CES5A: variants seen among roughly 807,000 people sequenced by gnomAD.
CES5A encodes the protein carboxylesterase 5.
A neutral mutation model predicts 62.9 loss-of-function variants in CES5A; 67 were observed. That is an observed-to-expected ratio of 1.07 (90% CI 0.88 to 1.31). The LOEUF (loss-of-function observed/expected upper bound fraction) is 1.31, where lower values mean the gene tolerates loss of function less well. Among genes scored for constraint, CES5A ranks in the 50% most tolerant of loss-of-function variants. The pLI is 0.00. For synonymous variants in CES5A, 296 were observed against 280.8 expected (o/e 1.05, Z -0.54); for missense variants, 748 against 708.5 (o/e 1.06, Z -0.63).
upstream of CES5A, among the ~76,000 whole-genome samples, chr16:55,877,111 G>A (rs564820056): frequency 4.6e-5 from 7 of 152,260 alleles, no homozygotes; most frequent in South Asian, 2.1e-4. Flanking sequence ...CCACAACAAC[G>A]CAAGGACTTC....
In CES5A at chr16:55,873,982, C is replaced by T. The variant is rs377158753; in HGVS notation, c.129G>A (p.Lys43=). The part of the protein sequence containing the change: ...RNTRLGWIQG[K]QVTVLGSPVP... ...CAGGGCTTCCCAGCACAGTGACTTG[C>T]TTGCCCTGAATCCATCCCAGCCTGG... The change falls in exon 2 of 13, where the codon AAG becomes AAA. Residue 43 remains lysine (K), a synonymous_variant. Transcript: ENST00000290567. 5.0e-6 allele frequency: 8 copies of T among 1,612,276 alleles called. No individual in the cohort carries two copies. Among genetic ancestry groups the T allele is most frequent in the East Asian group, 2.2e-5 (1 of 44,866 alleles).
chr16:55,879,594 T>C (rs1475221947), upstream of CES5A, among the ~76,000 whole-genome samples: 2 of 152,066 alleles, frequency 1.3e-5, no homozygotes, highest in Non-Finnish European at 2.9e-5. Context: ...CCTGGAGTGT[T>C]TTGCCTTGAA....
At chr16:55,921,241 A>G (rs1326516116) in intron 1 of CES5A, among the ~76,000 whole-genome samples, 4 of 152,148 alleles carry the variant, frequency 2.6e-5, no homozygotes, top group Non-Finnish European at 4.4e-5. Context: ...GAAAGAGATA[A>G]ATATCTAGGT....
At chr16:55,862,151 C>T (rs1310523863) in intron 6 of CES5A, among the ~76,000 whole-genome samples, 2 of 152,178 alleles carry the variant, frequency 1.3e-5, no homozygotes, top group Non-Finnish European at 2.9e-5. Context: ...CTCCTATAAG[C>T]TCGATGTTCC....
intron 7 of CES5A, among the ~76,000 whole-genome samples, chr16:55,860,193 T>C (rs1235439544): frequency 6.6e-6 from 1 of 152,160 alleles, no homozygotes; most frequent in Non-Finnish European, 1.5e-5. Flanking sequence ...GTGCCTTTGC[T>C]CTTCCTTCAC....
At chr16:55,918,007 T>C (rs1567353871) in intron 1 of CES5A, among the ~76,000 whole-genome samples, 2 of 152,006 alleles carry the variant, frequency 1.3e-5, no homozygotes, top group Admixed American at 1.3e-4. Flanking sequence ...TTGGCCAAAA[T>C]AGGAACTTGC....
At chr16:55,894,664 A>C (rs2033914357) in intron 1 of CES5A, among the ~76,000 whole-genome samples, 2 of 151,086 alleles carry the variant, frequency 1.3e-5, no homozygotes, top group Non-Finnish European at 2.9e-5. Context: ...CTTTATCTGA[A>C]CACTGGAAAG....
intron 3 of CES5A, among the ~76,000 whole-genome samples, chr16:55,870,275 G>T (rs1264080993): frequency 6.6e-6 from 1 of 151,928 alleles, no homozygotes; most frequent in East Asian, 1.9e-4. Context: ...GAGAAAAGAG[G>T]AATGGAGGAG....
upstream of CES5A, among the ~76,000 whole-genome samples, chr16:55,877,987 T>A (rs2033715984): frequency 6.6e-6 from 1 of 152,132 alleles, no homozygotes; most frequent in South Asian, 2.1e-4. Context: ...AATTACTCAA[T>A]CTTCTAGAAA....
intron 11 of CES5A, among the ~76,000 whole-genome samples, chr16:55,848,609 G>A (rs1367240380): frequency 5.3e-5 from 8 of 152,070 alleles, no homozygotes; most frequent in African/African-American, 1.7e-4. Context: ...ATGTTTAGAA[G>A]CCACTTGTGT....
At chr16:55,947,243 G>T (rs2034504860) in intron 2 of CES5A, among the ~76,000 whole-genome samples, 1 of 152,166 alleles carries the variant, frequency 6.6e-6, no homozygotes, top group African/African-American at 2.4e-5. Flanking sequence ...AAGATCAGAT[G>T]GAGAAGAGAC....
chr16:55,891,895 C>A (rs575536885), intron 1 of CES5A, among the ~76,000 whole-genome samples: 1 of 152,240 alleles, frequency 6.6e-6, no homozygotes, highest in African/African-American at 2.4e-5. Flanking sequence ...AATATTTTAC[C>A]CCAAAACATG....
chr16:55,856,079 G>A (rs1394878549), intron 9 of CES5A, among the ~76,000 whole-genome samples: 3 of 152,116 alleles, frequency 2.0e-5, no homozygotes, highest in African/African-American at 7.2e-5. Flanking sequence ...CTTCCACCAT[G>A]ATTGTAAGTT....
intron 7 of CES5A, among the ~76,000 whole-genome samples, chr16:55,860,559 G>A (rs2033332508): frequency 6.6e-6 from 1 of 152,200 alleles, no homozygotes; most frequent in Non-Finnish European, 1.5e-5. Flanking sequence ...GGTGGTAGAT[G>A]AAGTGGTCAG....
intron 1 of CES5A, among the ~76,000 whole-genome samples, chr16:55,901,082 A>G (rs1158162776): frequency 2.0e-5 from 3 of 152,092 alleles, no homozygotes; most frequent in African/African-American, 7.2e-5. Context: ...CCCACGTGTC[A>G]TGGGAGGGGC....
chr16:55,922,356 T>A (rs2034213636), intron 1 of CES5A, among the ~76,000 whole-genome samples: 1 of 151,798 alleles, frequency 6.6e-6, no homozygotes, highest in South Asian at 2.1e-4. Context: ...AAAATGATAT[T>A]CCATGCAAAC....
chr16:55,904,563 G>A (rs1424674072), intron 1 of CES5A, among the ~76,000 whole-genome samples: 18 of 152,154 alleles, frequency 1.2e-4, no homozygotes, highest in African/African-American at 4.3e-4. Context: ...CACCTGACCA[G>A]TGATTACACA....
chr16:55,945,753 C>G (rs2034488349), intron 2 of CES5A, among the ~76,000 whole-genome samples: 1 of 152,192 alleles, frequency 6.6e-6, no homozygotes. Context: ...GGGGAAGGGT[C>G]TGCAGATCTA....
chr16:55,915,033 G>T (rs1444081493), intron 1 of CES5A, among the ~76,000 whole-genome samples: 1 of 151,208 alleles, frequency 6.6e-6, no homozygotes, highest in African/African-American at 2.4e-5. Flanking sequence ...GCTTCCTTTG[G>T]CTCAAAGCCT....
Sources: allele counts gnomAD v4.1 joint callset (sites outside exome capture counted in the v4.1 genomes callset), GRCh38; gene constraint gnomAD v4.1.1; transcripts MANE v1.5; gene names NCBI Gene and HGNC (gene_info 2026-07-23, HGNC 2026-07-21).